PHC3: variants seen among roughly 807,000 people sequenced by gnomAD.
PHC3 encodes the protein polyhomeotic-like protein 3.
In PHC3, 13 loss-of-function variants were observed where a neutral mutation model predicts 107.4. That is an observed-to-expected ratio of 0.12 (90% confidence interval 0.08 to 0.19). The LOEUF (loss-of-function observed/expected upper bound fraction) is 0.19. Ranked by LOEUF, PHC3 falls within the 10% of genes least tolerant of loss-of-function variation. The pLI, the probability that PHC3 is intolerant of heterozygous loss-of-function variation, is 1.00. For synonymous variants in PHC3, 456 were observed against 427.4 expected (o/e 1.07, Z -0.83); for missense variants, 992 against 1,210.9 (o/e 0.82, Z 2.68).
At position 170,171,391 on chromosome 3, in the gene PHC3, T is replaced by A; in HGVS notation, c.396A>T (p.Ser132=). 2 of 1,606,844 alleles carry A rather than the reference T, an allele frequency of 1.2e-6. No homozygotes were observed. The highest frequency in any genetic ancestry group is 1.7e-6 in the Non-Finnish European group (2 of 1,177,360). The change falls in exon 4 of 15, where the codon TCA becomes TCT. Residue 132 remains serine (S), a synonymous_variant. Transcript: ENST00000495893. ...TSPTGSVTQQ[S]SMSQTSINLS... ...AACTTACAGACGTTTGGGACATACT[T>A]GACTGCTGTGTGACACTTCCTGTGG...
chr3:170,145,318 C>A, intron 6 of PHC3, 105 bp downstream of exon 6: 1 of 782,942 alleles, frequency 1.3e-6, no homozygotes, highest in South Asian at 2.5e-5. Flanking sequence ...AAATGCATGA[C>A]AAAGAGCACT....
intron 12 of PHC3, among the ~76,000 whole-genome samples, chr3:170,105,949 C>T (rs1380464612): frequency 4.6e-5 from 7 of 152,158 alleles, no homozygotes; most frequent in African/African-American, 1.7e-4. Flanking sequence ...TGGTGGCTCA[C>T]ACACGTAATC....
Position 170,102,882 on chromosome 3 carries a change from G to T in PHC3, c.2521C>A (p.Pro841Thr), listed in dbSNP as rs999704054. The T allele has an allele frequency of 6.2e-7, 1 of 1,613,548 alleles. No homozygotes were observed. Among genetic ancestry groups the T allele is most frequent in the Non-Finnish European group, 8.5e-7 (1 of 1,179,728 alleles). ...KFALSRWNRK[P>T]DNQSLGHRGR... ...CGATGCCCAAGACTTTGATTATCAG[G>T]CTTACGATTCCAACGACTAAGTGCA... Residue 841 changes from proline (P) to threonine (T), a missense_variant, in exon 13 of 15, where the codon CCT becomes ACT. By Grantham distance (38) the Pro-to-Thr change is conservative (BLOSUM62 -1). Around this residue, in one of 6 missense-constraint regions of PHC3, gnomAD observed 228 missense variants for 288.8 expected, o/e 0.79. Transcript: ENST00000495893.
At chr3:170,117,839 A>AC (rs1418570866) in intron 9 of PHC3, among the ~76,000 whole-genome samples, 1 of 151,320 alleles carries the variant, frequency 6.6e-6, no homozygotes, top group Non-Finnish European at 1.5e-5. Flanking sequence ...TACTAAAAAA[A>AC]AAACCAAAAA....
intron 8 of PHC3, among the ~76,000 whole-genome samples, chr3:170,124,912 T>C (rs1250908623): frequency 6.6e-6 from 1 of 151,956 alleles, no homozygotes; most frequent in Non-Finnish European, 1.5e-5. Flanking sequence ...CAATCAAAAA[T>C]AAAATAAAAT....
At chr3:170,142,995 G>A (rs940328428) in intron 6 of PHC3, among the ~76,000 whole-genome samples, 5 of 151,980 alleles carry the variant, frequency 3.3e-5, no homozygotes, top group African/African-American at 7.3e-5. Context: ...GCAACATGGC[G>A]AAACCCTGCC....
chr3:170,164,745 A>C (rs1728458729), intron 4 of PHC3, among the ~76,000 whole-genome samples: 1 of 152,192 alleles, frequency 6.6e-6, no homozygotes, highest in African/African-American at 2.4e-5. Flanking sequence ...GAAGTCAGTA[A>C]TCCAGAAACA....
At position 170,171,463 on chromosome 3, in the gene PHC3, G is replaced by C. The variant is rs776542667; in HGVS notation, c.337-13C>G. The C allele has an allele frequency of 1.2e-5, 19 of 1,559,020 alleles. No homozygotes were observed. In the South Asian group the frequency reaches 2.3e-4, roughly 19 times the overall value. On this transcript the variant is annotated splice_polypyrimidine_tract_variant and intron_variant, in intron 3 of 14. Coordinates refer to ENST00000495893, the MANE Select transcript of PHC3 (RefSeq NM_024947.4). ...TGGACAAACTTGCCTAAAATAGTAA[G>C]ACTTTTAGAATATGTCGGTAAAAAC...
chr3:170,172,211 T>C (rs1259143085), intron 3 of PHC3, among the ~76,000 whole-genome samples: 3 of 152,102 alleles, frequency 2.0e-5, no homozygotes, highest in Admixed American at 2.0e-4. Context: ...TTAATGAGTA[T>C]AATTACTTAT....
chr3:170,101,859 T>C (rs1434495581), intron 14 of PHC3, among the ~76,000 whole-genome samples: 3 of 152,060 alleles, frequency 2.0e-5, no homozygotes, highest in Non-Finnish European at 4.4e-5. Flanking sequence ...AATAAGAAAG[T>C]TACCCTCAAT....
chr3:170,160,518 A>C (rs1727712531), intron 4 of PHC3, among the ~76,000 whole-genome samples: 1 of 152,242 alleles, frequency 6.6e-6, no homozygotes, highest in South Asian at 2.1e-4. Flanking sequence ...GAATCTCATC[A>C]CTGGGGTCAG....
At position 170,136,423 on chromosome 3, in the gene PHC3, T is replaced by A; in HGVS notation, c.915A>T (p.Ala305=). 1 of 1,610,450 alleles carries A rather than the reference T, an allele frequency of 6.2e-7. No homozygotes were observed. Among genetic ancestry groups the A allele is most frequent in the Non-Finnish European group, 8.5e-7 (1 of 1,178,836 alleles). ...TRTSSIHQLI[A]PASYSPIQPH... is the part of the protein sequence containing the mutation. ...TCAACAAAAGTTTTATCCCACCTGGTGCTATTAACTGGTGAATACTTGATG... is the reference window on the plus strand; with the variant it reads ...TCAACAAAAGTTTTATCCCACCTGGAGCTATTAACTGGTGAATACTTGATG... Residue 305 remains alanine, a synonymous_variant, in exon 7 of 15, where the codon GCA becomes GCT. Coordinates refer to ENST00000495893, the MANE Select transcript of PHC3 (RefSeq NM_024947.4).
At chr3:170,177,362 C>T (rs933447004) in intron 2 of PHC3, among the ~76,000 whole-genome samples, 2 of 152,066 alleles carry the variant, frequency 1.3e-5, no homozygotes, top group Non-Finnish European at 2.9e-5. Flanking sequence ...TAAGCCCTCT[C>T]AATACTATAT....
chr3:170,097,216 G>T lies in PHC3; in HGVS notation c.*14C>A. ...AAAGTAAAACTGCTGTTTTATCAAGGCTTCATGTTCCTGTTAAGATTCCTT... is the reference window on the plus strand; with the variant it reads ...AAAGTAAAACTGCTGTTTTATCAAGTCTTCATGTTCCTGTTAAGATTCCTT... On this transcript the variant is annotated 3_prime_UTR_variant, in exon 15 of 15. Coordinates refer to ENST00000495893, the MANE Select transcript of PHC3 (RefSeq NM_024947.4). This position sits in a 1 kb window ranked among gnomAD's most constrained non-coding sequence, Gnocchi z 4.1. The T allele has an allele frequency of 6.3e-7, 1 of 1,587,468 alleles. No homozygotes were observed.
At chr3:170,158,880 T>A (rs1727358490) in intron 4 of PHC3, among the ~76,000 whole-genome samples, 1 of 149,164 alleles carries the variant, frequency 6.7e-6, no homozygotes, top group South Asian at 2.1e-4. Context: ...TAAGCCATAT[T>A]AGCACCACTG....
At chr3:170,168,817 T>C (rs962632221) in intron 4 of PHC3, among the ~76,000 whole-genome samples, 3 of 151,436 alleles carry the variant, frequency 2.0e-5, no homozygotes, top group Non-Finnish European at 4.4e-5. Context: ...TTAGTCATGA[T>C]TCTAATTAGA....
intron 9 of PHC3, among the ~76,000 whole-genome samples, chr3:170,122,126 T>C (rs1720468770): frequency 6.6e-6 from 1 of 152,156 alleles, no homozygotes; most frequent in Non-Finnish European, 1.5e-5. Flanking sequence ...GGAAGGTTCC[T>C]GTAGACCCAG....
At chr3:170,169,267 A>C (rs1729217614) in intron 4 of PHC3, among the ~76,000 whole-genome samples, 1 of 152,090 alleles carries the variant, frequency 6.6e-6, no homozygotes. Context: ...TTTCTTCTGG[A>C]GAATGGACCC....
chr3:170,168,204 A>G (rs75171445), intron 4 of PHC3, among the ~76,000 whole-genome samples: 1,843 of 139,976 alleles, frequency 0.013, 39 homozygotes, highest in African/African-American at 0.046. Context: ...AAGGGAAAGG[A>G]AGGCTAAAAT....
Sources: gnomAD v4.1 joint callset for allele counts (sites outside exome capture counted in the v4.1 genomes callset) on GRCh38, gnomAD v4.1.1 for gene constraint, gnomAD v4.1.1 regional missense constraint, Gnocchi (gnomAD v3.1) non-coding constraint, MANE v1.5 for transcripts, NCBI Gene and HGNC (gene_info 2026-07-23, HGNC 2026-07-21) for gene names.